Variants in CIB3 observed in about 807,000 individuals in gnomAD.
CIB3 encodes calcium and integrin-binding family member 3.
A neutral mutation model predicts 23.4 loss-of-function variants in CIB3; 22 were observed. The ratio of observed to expected loss-of-function variants is 0.94; its 90% confidence interval spans 0.67 to 1.34. CIB3 has a LOEUF of 1.34. Ranked by LOEUF, CIB3 falls within the 40% of genes most tolerant of loss-of-function variation. The pLI is 0.00. For synonymous variants in CIB3, 93 were observed against 95.8 expected (o/e 0.97, Z 0.17); for missense variants, 258 against 247.3 (o/e 1.04, Z -0.29).
intron 1 of CIB3, 110 bp from the exon 2 acceptor site, chr19:16,173,306 G>C (rs1568339382): frequency 1.1e-5 from 17 of 1,578,354 alleles, no homozygotes; most frequent in East Asian, 6.7e-5. Flanking sequence ...GCCACACACA[G>C]AGCAGAACCA....
chr19:16,165,380 C>G (rs532747512), intron 4 of CIB3, among the ~76,000 whole-genome samples: 22 of 151,070 alleles, frequency 1.5e-4, no homozygotes, highest in Middle Eastern at 3.5e-3. Flanking sequence ...TAAAATTGGG[C>G]AGGGACCTGC....
chr19:16,164,340 A>G (rs1330019342), intron 5 of CIB3, among the ~76,000 whole-genome samples: 2 of 152,222 alleles, frequency 1.3e-5, no homozygotes, highest in Non-Finnish European at 2.9e-5. Context: ...CTTAGCTCAC[A>G]GGAGGTACAA....
At position 16,168,132 on chromosome 19, in the gene CIB3, C is replaced by T. The variant is rs371473511; in HGVS notation, c.346+5G>A. 10 of 1,603,456 alleles carry T rather than the reference C, an allele frequency of 6.2e-6. No homozygotes were observed. The highest frequency in any genetic ancestry group is 2.2e-5 in the South Asian group (2 of 89,068). ...TGCTTCCCAACCCCAGGGCCACGCA[C>T]GCACCATAAATTTTAAAAGCATAGT... On this transcript the variant is annotated splice_donor_5th_base_variant and intron_variant, in intron 4 of 5. Coordinates refer to ENST00000269878, the MANE Select transcript of CIB3 (RefSeq NM_054113.4).
intron 2 of CIB3, among the ~76,000 whole-genome samples, chr19:16,170,034 G>C (rs1207676749): frequency 1.3e-5 from 2 of 152,196 alleles, no homozygotes; most frequent in African/African-American, 4.8e-5. Flanking sequence ...CCTGACCTCA[G>C]ATGATCCACC....
At chr19:16,161,598 C>A in intron 5 of CIB3, 112 bp from the exon 6 acceptor site, 1 of 1,115,698 alleles carries the variant, frequency 9.0e-7, no homozygotes, top group Non-Finnish European at 1.3e-6. Flanking sequence ...AAGGATGCCA[C>A]ATGGACCCCT....
At chr19:16,172,228 C>A (rs1372613550) in intron 2 of CIB3, among the ~76,000 whole-genome samples, 1 of 152,188 alleles carries the variant, frequency 6.6e-6, no homozygotes, top group Non-Finnish European at 1.5e-5. Context: ...GATCTCGGCT[C>A]ACTGCAACCT....
At chr19:16,173,041 TACAC>T (rs3076227) in intron 2 of CIB3, 117 bp downstream of exon 2, 28,559 of 776,010 alleles carry the variant, frequency 0.037, 249 homozygotes, top group African/African-American at 0.1. Flanking sequence ...AAAGACTACT[TACAC>T]ACACACACAC....
chr19:16,171,426 C>T (rs1032176179), intron 2 of CIB3, among the ~76,000 whole-genome samples: 2 of 152,036 alleles, frequency 1.3e-5, no homozygotes, highest in Non-Finnish European at 2.9e-5. Flanking sequence ...GTCTGAGGTC[C>T]CCAAGCTGCT....
chr19:16,167,410 T>C (rs1038297759), intron 4 of CIB3, among the ~76,000 whole-genome samples: 1 of 152,036 alleles, frequency 6.6e-6, no homozygotes, highest in African/African-American at 2.4e-5. Flanking sequence ...ACAAAGTCAA[T>C]AAGAAGTGAA....
intron 2 of CIB3, among the ~76,000 whole-genome samples, 179 bp downstream of exon 2, chr19:16,172,983 A>AGGG (rs2091335045): frequency 1.4e-5 from 1 of 70,348 alleles, no homozygotes; most frequent in African/African-American, 3.6e-5. Context: ...GGAAGGAAGG[A>AGGG]AGGGAGGGAG....
rs79329568 is a variant in CIB3, at chr19:16,162,243, CAAAAAA to C, written c.543-763_543-758del. ...GCAACAAGGCAAGACCTTGTCTCCA[CAAAAAA>C]AAAAAAAAAAAAAAAAAGTTTTTAG... On this transcript the variant is annotated intron_variant, in intron 5 of 5. Coordinates refer to ENST00000269878, the MANE Select transcript of CIB3 (RefSeq NM_054113.4). Among the ~76,000 whole-genome samples, 34 of 52,470 alleles carry C rather than the reference CAAAAAA, an allele frequency of 6.5e-4. No homozygotes were observed. In the East Asian group the frequency reaches 6.9e-3, roughly 11 times the overall value. The allele number at this position is 52,470 out of a possible 152,430, so 34.4% of individuals were successfully genotyped here.
At chr19:16,168,992 C>T (rs1190563135) in intron 3 of CIB3, among the ~76,000 whole-genome samples, 2 of 152,204 alleles carry the variant, frequency 1.3e-5, no homozygotes. Flanking sequence ...GTCAAACATC[C>T]TGCTGATAAA....
At chr19:16,162,108 T>C (rs2145075084) in intron 5 of CIB3, among the ~76,000 whole-genome samples, 2 of 152,064 alleles carry the variant, frequency 1.3e-5, no homozygotes, top group African/African-American at 4.8e-5. Context: ...ACATTATATG[T>C]ATCGAAACCA....
Position 16,173,186 on chromosome 19 carries a change from A to C in CIB3, c.62T>G (p.Phe21Cys). The C allele has an allele frequency of 6.2e-7, 1 of 1,613,762 alleles. No homozygotes were observed. The highest frequency in any genetic ancestry group is 8.5e-7 in the Non-Finnish European group (1 of 1,179,942). ...EQLEAYQDCT[F>C]FTRKEIMRLF... Reference sequence around the variant, plus strand: ...CCTCATGATCTCCTTCCTTGTGAAAAATGTGCAGTCCTGTGGAGAGAGGTG... The same window carrying C: ...CCTCATGATCTCCTTCCTTGTGAAACATGTGCAGTCCTGTGGAGAGAGGTG... The change falls in exon 2 of 6, where the codon TTT becomes TGT. Residue 21 changes from phenylalanine to cysteine, a missense_variant. Coordinates refer to ENST00000269878, the MANE Select transcript of CIB3 (RefSeq NM_054113.4).
intron 2 of CIB3, among the ~76,000 whole-genome samples, chr19:16,172,606 C>A (rs957835063): frequency 6.6e-6 from 1 of 152,186 alleles, no homozygotes; most frequent in Admixed American, 6.5e-5. Flanking sequence ...CCATCTCTGC[C>A]TCTGTCCACT....
intron 2 of CIB3, among the ~76,000 whole-genome samples, chr19:16,172,875 T>C (rs115873865): frequency 0.042 from 6,338 of 150,872 alleles, 477 homozygotes; most frequent in African/African-American, 0.15. Flanking sequence ...TCACCTGACC[T>C]TGGGAGATCG....
intron 4 of CIB3, among the ~76,000 whole-genome samples, chr19:16,166,915 A>T (rs1296143703): frequency 6.6e-6 from 1 of 152,172 alleles, no homozygotes; most frequent in Non-Finnish European, 1.5e-5. Context: ...CCCCATCTTT[A>T]CTAAAAATAC....
intron 1 of CIB3, 53 bp downstream of exon 1, chr19:16,173,372 C>T: frequency 6.3e-7 from 1 of 1,582,998 alleles, no homozygotes; most frequent in Non-Finnish European, 8.7e-7. Context: ...ATTTCCCAGA[C>T]CACGGAACCA....
chr19:16,170,048 C>T (rs1568338388), intron 2 of CIB3, among the ~76,000 whole-genome samples: 2 of 152,190 alleles, frequency 1.3e-5, no homozygotes, highest in Non-Finnish European at 1.5e-5. Context: ...ATCCACCTGA[C>T]TTAGCCTCCC....
Sources: gnomAD v4.1 joint callset for allele counts (sites outside exome capture counted in the v4.1 genomes callset) on GRCh38, gnomAD v4.1.1 for gene constraint, MANE v1.5 for transcripts, NCBI Gene and HGNC (gene_info 2026-07-23, HGNC 2026-07-21) for gene names.